Variants in CAPN13 observed in about 807,000 individuals in gnomAD.
CAPN13 encodes the protein calpain 13, also known as calpain-13.
A neutral mutation model predicts 98.4 loss-of-function variants in CAPN13; 90 were observed. The observed-to-expected ratio is 0.92, with a 90% confidence interval of 0.77 to 1.09. CAPN13 has a LOEUF of 1.09. CAPN13 is among the 50% of genes least tolerant of loss of function. CAPN13 has a pLI of 0.00. For missense variants in CAPN13, 887 were observed against 841.3 expected, an observed-to-expected ratio of 1.05 and a Z score of -0.67; for synonymous variants, 330 against 305.5, an observed-to-expected ratio of 1.08 and a Z score of -0.84.
chr2:30,767,799 CAGA>C (rs1170890508), intron 5 of CAPN13, among the ~76,000 whole-genome samples: 1 of 152,152 alleles, frequency 6.6e-6, no homozygotes, highest in Non-Finnish European at 1.5e-5. Context: ...CTGTGACTTC[CAGA>C]AGGACAGGGG....
chr2:30,776,994 G>C (rs4952180), intron 3 of CAPN13, among the ~76,000 whole-genome samples: 4,117 of 152,338 alleles, frequency 0.027, 207 homozygotes, highest in Admixed American at 0.14. Flanking sequence ...AAAGCTTAGA[G>C]TGTATTCTCA....
chr2:30,787,346 C>G lies in CAPN13; in HGVS notation c.-21G>C. 6 of 1,596,326 alleles carry G rather than the reference C, an allele frequency of 3.8e-6. No individual in the cohort carries two copies. Among genetic ancestry groups the G allele is most frequent in the Non-Finnish European group, 5.1e-6 (6 of 1,171,776 alleles). ...GCCATGACTCTCCTTAGAAGACTTCCGAGGTCCTTTCCTGTTGGTGAGAAA... is the reference window on the plus strand; with the variant it reads ...GCCATGACTCTCCTTAGAAGACTTCGGAGGTCCTTTCCTGTTGGTGAGAAA... On this transcript the variant is annotated 5_prime_UTR_variant, in exon 2 of 23. Transcript: ENST00000295055.
At chr2:30,729,804 G>T (rs1380758663) in intron 22 of CAPN13, 1 of 152,176 alleles carries the variant, frequency 6.6e-6, no homozygotes, top group African/African-American at 2.4e-5. Flanking sequence ...CGAGTTTTAG[G>T]TGATATTGAT....
intron 9 of CAPN13, 32 bp from the exon 10 acceptor site, chr2:30,753,230 C>G (rs1000607817): frequency 1.2e-6 from 2 of 1,611,344 alleles, no homozygotes; most frequent in African/African-American, 2.7e-5. Context: ...CACTCAGTGA[C>G]CAGGGGTTGT....
chr2:30,751,760 T>C (rs528210275), intron 10 of CAPN13, among the ~76,000 whole-genome samples: 2 of 152,242 alleles, frequency 1.3e-5, no homozygotes, highest in African/African-American at 2.4e-5. Flanking sequence ...TAAGTCAAGA[T>C]AGAGATGAAT....
At chr2:30,789,580 T>C (rs748441488) in intron 1 of CAPN13, among the ~76,000 whole-genome samples, 2 of 152,194 alleles carry the variant, frequency 1.3e-5, no homozygotes, top group African/African-American at 2.4e-5. Context: ...CACTATTGGA[T>C]GGAGGACTGG....
At chr2:30,750,067 A>G (rs887239566) in intron 11 of CAPN13, among the ~76,000 whole-genome samples, 1 of 152,232 alleles carries the variant, frequency 6.6e-6, no homozygotes, top group Non-Finnish European at 1.5e-5. Flanking sequence ...CTAAATGCCC[A>G]TCCATCAATG....
intron 1 of CAPN13, among the ~76,000 whole-genome samples, chr2:30,793,125 A>G (rs76580124): frequency 6.6e-6 from 1 of 151,952 alleles, no homozygotes; most frequent in African/African-American, 2.4e-5. Context: ...TTATAGTTCT[A>G]TTTACCACTG....
chr2:30,775,534 A>T (rs752719806), intron 4 of CAPN13, among the ~76,000 whole-genome samples: 7 of 152,218 alleles, frequency 4.6e-5, no homozygotes, highest in Non-Finnish European at 7.3e-5. Context: ...AATTACCAAG[A>T]TATTTTTGAG....
intron 3 of CAPN13, among the ~76,000 whole-genome samples, chr2:30,777,097 C>CT (rs1245847221): frequency 3.3e-5 from 5 of 152,200 alleles, no homozygotes; most frequent in Non-Finnish European, 5.9e-5. Flanking sequence ...TGAGGTTTCT[C>CT]TTGGCCACAC....
At chr2:30,751,915 C>T (rs1022286576) in intron 10 of CAPN13, among the ~76,000 whole-genome samples, 3 of 152,182 alleles carry the variant, frequency 2.0e-5, no homozygotes, top group African/African-American at 7.2e-5. Context: ...AGCAGGTGCT[C>T]GATCACTGGC....
At chr2:30,789,238 G>A (rs576666245) in intron 1 of CAPN13, among the ~76,000 whole-genome samples, 60 of 152,210 alleles carry the variant, frequency 3.9e-4, no homozygotes, top group Non-Finnish European at 6.9e-4. Context: ...GATGGCACTC[G>A]ATAATGAAGA....
At chr2:30,754,865 A>T (rs1433668670) in intron 8 of CAPN13, among the ~76,000 whole-genome samples, 1 of 151,994 alleles carries the variant, frequency 6.6e-6, no homozygotes, top group Non-Finnish European at 1.5e-5. Flanking sequence ...GTCTCCCTGA[A>T]CTCAGTTCTG....
At chr2:30,799,807 T>C (rs1041859370) in intron 1 of CAPN13, among the ~76,000 whole-genome samples, 21 of 152,146 alleles carry the variant, frequency 1.4e-4, no homozygotes, top group African/African-American at 1.9e-4. Flanking sequence ...GGCGCAGTGG[T>C]TCACTCCTGT....
chr2:30,799,437 G>A (rs2148108396), intron 1 of CAPN13, among the ~76,000 whole-genome samples: 1 of 152,280 alleles, frequency 6.6e-6, no homozygotes, highest in South Asian at 2.1e-4. Flanking sequence ...ATACCATGGT[G>A]GGATTAGTGG....
intron 1 of CAPN13, among the ~76,000 whole-genome samples, chr2:30,792,832 C>A (rs535169463): frequency 6.6e-6 from 1 of 151,584 alleles, no homozygotes; most frequent in African/African-American, 2.4e-5. Context: ...CAAATCAAAT[C>A]CAATAATGTA....
Position 30,751,150 on chromosome 2 carries a change from A to T in CAPN13, c.1189T>A (p.Leu397Met). 6 of 1,613,874 alleles carry T rather than the reference A, an allele frequency of 3.7e-6. No homozygotes were observed. In the South Asian group the frequency reaches 4.4e-5, roughly 12 times the overall value. ...CVTVAVTPSN[L>M]KAEDAKFPLD... Reference sequence around the variant, plus strand: ...GGAAATTTTGCATCTTCTGCTTTCAAATTTGATGGTGTGACAGCAACTGTG... The same window carrying T: ...GGAAATTTTGCATCTTCTGCTTTCATATTTGATGGTGTGACAGCAACTGTG... Residue 397 changes from leucine to methionine, a missense_variant, in exon 11 of 23, where the codon TTG (leucine) becomes ATG (methionine). Transcript: ENST00000295055.
intron 1 of CAPN13, among the ~76,000 whole-genome samples, chr2:30,789,633 T>G (rs149123551): frequency 1.7e-3 from 256 of 152,312 alleles, no homozygotes; most frequent in Middle Eastern, 3.4e-3. Context: ...CTTGCCTCAT[T>G]TGTGAAATGG....
Position 30,796,253 on chromosome 2 carries a change from C to T in CAPN13, c.-32-8896G>A, listed in dbSNP as rs7574048. On this transcript the variant is annotated intron_variant, in intron 1 of 22. Coordinates refer to ENST00000295055, the MANE Select transcript of CAPN13 (RefSeq NM_144575.3). The stretch of plus-strand genomic sequence containing the variant: ...ATATATATGTGTGCATATATATATA[C>T]GTATATATATAGTCTTGATTTTTAA... 3.4e-3 allele frequency among the ~76,000 whole-genome samples: 469 copies of T among 137,734 alleles called. 11 individuals are homozygous for T. Among genetic ancestry groups the T allele is most frequent in the Admixed American group, 0.026 (372 of 14,096 alleles). The allele number at this position is 137,734 out of a possible 152,430, so 90.4% of individuals were successfully genotyped here. A position where few individuals can be genotyped will look rare whatever the true frequency, so the allele number is the denominator to read the frequency against.
Sources: allele counts gnomAD v4.1 joint callset (sites outside exome capture counted in the v4.1 genomes callset), GRCh38; gene constraint gnomAD v4.1.1; transcripts MANE v1.5; gene names NCBI Gene and HGNC (gene_info 2026-07-23, HGNC 2026-07-21).